The following PTCHD1 variants were observed in gnomAD, a reference collection of about 807,000 sequenced individuals.
PTCHD1 encodes patched domain containing 1.
PTCHD1 carries 3 observed loss-of-function variants against 34.6 expected under a neutral mutation model. The observed-to-expected ratio is 0.09, with a 90% CI of 0.04 to 0.22. The LOEUF (loss-of-function observed/expected upper bound fraction) is 0.22. Ranked by LOEUF, PTCHD1 falls within the 10% of genes least tolerant of loss-of-function variation. The pLI, the probability that PTCHD1 is intolerant of heterozygous loss-of-function variation, is 1.00. For missense variants in PTCHD1, 504 were observed against 685.5 expected (o/e 0.74, Z 2.96); for synonymous variants, 305 against 283.1 (o/e 1.08, Z -0.77).
At chrX:23,389,445 A>G (rs1922769082) in intron 2 of PTCHD1, among the ~76,000 whole-genome samples, 1 of 112,028 alleles carries the variant, frequency 8.9e-6, no homozygotes, top group South Asian at 3.7e-4. Context: ...AACCTTCAGG[A>G]AGGAGGCCCA....
At chrX:23,341,973 C>A (rs1290920475) in intron 1 of PTCHD1, among the ~76,000 whole-genome samples, 1 of 110,386 alleles carries the variant, frequency 9.1e-6, no homozygotes, top group Non-Finnish European at 1.9e-5. Flanking sequence ...TATGTAAGTG[C>A]AGTCGGTTAT....
intron 1 of PTCHD1, among the ~76,000 whole-genome samples, chrX:23,341,688 C>A (rs912075037): frequency 9.0e-6 from 1 of 111,364 alleles, no homozygotes; most frequent in African/African-American, 3.3e-5. Context: ...GGTGAGTAAT[C>A]GCTAACCTTT....
chrX:23,388,745 C>T (rs1410422859), intron 2 of PTCHD1, among the ~76,000 whole-genome samples: 3 of 111,585 alleles, frequency 2.7e-5, no homozygotes. Context: ...GCAGGGGAAT[C>T]GCTGGAACCC....
At chrX:23,373,996 G>A (rs1922337381) in intron 1 of PTCHD1, among the ~76,000 whole-genome samples, 1 of 111,050 alleles carries the variant, frequency 9.0e-6, no homozygotes, top group Non-Finnish European at 1.9e-5. Context: ...TTTTTTTAAT[G>A]TATGCAGCTT....
intron 2 of PTCHD1, among the ~76,000 whole-genome samples, chrX:23,380,792 C>A (rs1213576940): frequency 9.0e-6 from 1 of 111,117 alleles, no homozygotes; most frequent in Non-Finnish European, 1.9e-5. Context: ...GAGAGGTCCT[C>A]CCCCGGGGTG....
rs757954117 is a variant in PTCHD1, at chrX:23,392,380, G to T, written c.1013-151G>T. The T allele has an allele frequency of 2.2e-5, 11 of 496,386 alleles. No individual in the cohort carries two copies. In the African/African-American group the frequency reaches 2.4e-4, roughly 11 times the overall value. The allele number at this position is 496,386 out of a possible 1,213,427, so 40.9% of individuals were successfully genotyped here. A position where few individuals can be genotyped will look rare whatever the true frequency, so the allele number is the denominator to read the frequency against. On this transcript the variant is annotated intron_variant, in intron 2 of 2. Transcript: ENST00000379361. ...TTCATAAAAACATGGGTCTATCTCCGCATAGGAGAAATCATTGGCATTTAC... is the reference window on the plus strand; with the variant it reads ...TTCATAAAAACATGGGTCTATCTCCTCATAGGAGAAATCATTGGCATTTAC...
chrX:23,340,916 G>A (rs1211247048), intron 1 of PTCHD1, among the ~76,000 whole-genome samples: 2 of 112,172 alleles, frequency 1.8e-5, no homozygotes, highest in African/African-American at 6.5e-5. Flanking sequence ...CTTTATTTTT[G>A]TACTAGGGGA....
intron 2 of PTCHD1, among the ~76,000 whole-genome samples, chrX:23,387,664 A>G (rs755443099): frequency 8.9e-6 from 1 of 111,870 alleles, no homozygotes; most frequent in African/African-American, 3.2e-5. Flanking sequence ...TGGCCTGACA[A>G]AAACCTCGAG....
At position 23,404,322 on chromosome X, in the gene PTCHD1, T is replaced by C. The variant is rs777381139; in HGVS notation, c.*10137T>C. The stretch of plus-strand genomic sequence containing the variant: ...TATATATTTATGGGATACAATGTGA[T>C]GTTTTGATATATGTATGCATTGTGG... On this transcript the variant is annotated 3_prime_UTR_variant, in exon 3 of 3. Coordinates refer to ENST00000379361, the MANE Select transcript of PTCHD1 (RefSeq NM_173495.3). 1 of 112,284 alleles carries C rather than the reference T, an allele frequency of 8.9e-6. No homozygotes were observed. Among genetic ancestry groups the C allele is most frequent in the Non-Finnish European group, 1.9e-5 (1 of 53,298 alleles). 9.3% of individuals were successfully genotyped at this position (112,284 alleles called of 1,213,427 possible).
chrX:23,369,776 G>C (rs1409157418), intron 1 of PTCHD1, among the ~76,000 whole-genome samples: 2 of 111,480 alleles, frequency 1.8e-5, no homozygotes, highest in African/African-American at 6.5e-5. Flanking sequence ...CAGATGATGG[G>C]ACAATTTTCA....
chrX:23,361,890 A>G (rs1272837883), intron 1 of PTCHD1, among the ~76,000 whole-genome samples: 3 of 111,648 alleles, frequency 2.7e-5, no homozygotes, highest in Non-Finnish European at 5.6e-5. Flanking sequence ...AAAGGATTTT[A>G]TTTCTCCTTC....
Position 23,379,550 on chromosome X carries a change from A to T in PTCHD1, c.352-41A>T, listed in dbSNP as rs1268414500. ...ACCCTCTCCAAAAAATAAAAATAGA[A>T]ATATTTGATTAATAAATGCTGTCAT... On this transcript the variant is annotated intron_variant, in intron 1 of 2. Transcript: ENST00000379361. The T allele has an allele frequency of 5.9e-6, 7 of 1,189,683 alleles. No homozygotes were observed. The Middle Eastern group carries it at 7.1e-4, about 121-fold the overall frequency.
chrX:23,403,942 T>C lies in PTCHD1; in HGVS notation c.*9757T>C, dbSNP rs1443411922. ...TTGAGTTTCTCTAATGCCTAAAATATGCATTTAAATCATCCCACACCTACA... is the reference window on the plus strand; with the variant it reads ...TTGAGTTTCTCTAATGCCTAAAATACGCATTTAAATCATCCCACACCTACA... On this transcript the variant is annotated 3_prime_UTR_variant, in exon 3 of 3. Coordinates refer to ENST00000379361, the MANE Select transcript of PTCHD1 (RefSeq NM_173495.3). The C allele has an allele frequency of 2.7e-5, 3 of 111,887 alleles. No homozygotes were observed. In the Admixed American group the frequency reaches 2.8e-4, roughly 11 times the overall value. 9.2% of individuals were successfully genotyped at this position (111,887 alleles called of 1,213,427 possible).
intron 1 of PTCHD1, among the ~76,000 whole-genome samples, chrX:23,364,763 G>T (rs966187861): frequency 8.9e-6 from 1 of 112,336 alleles, no homozygotes; most frequent in African/African-American, 3.2e-5. Flanking sequence ...CATCCAACTT[G>T]GGCAATATTC....
At chrX:23,389,208 G>A (rs1601916911) in intron 2 of PTCHD1, among the ~76,000 whole-genome samples, 1 of 111,864 alleles carries the variant, frequency 8.9e-6, no homozygotes, top group Non-Finnish European at 1.9e-5. Flanking sequence ...ATTCTGGAGG[G>A]CAGGATGGTC....
Position 23,394,041 on chromosome X carries a change from T to C in PTCHD1, c.2523T>C (p.Ile841=), listed in dbSNP as rs1211885551. 3 of 1,207,448 alleles carry C rather than the reference T, an allele frequency of 2.5e-6. No individual in the cohort carries two copies. In the African/African-American group the frequency reaches 5.3e-5, roughly 21 times the overall value. The change falls in exon 3 of 3, where the codon ATT becomes ATC. Residue 841 remains isoleucine, a synonymous_variant. Coordinates refer to ENST00000379361, the MANE Select transcript of PTCHD1 (RefSeq NM_173495.3). ...AFVTFFHCFA[I]LPVILTFLPP... ...TCACCTTCTTTCACTGCTTTGCCATTTTACCTGTGATACTGACTTTCCTGC... is the reference window on the plus strand; with the variant it reads ...TCACCTTCTTTCACTGCTTTGCCATCTTACCTGTGATACTGACTTTCCTGC...
intron 1 of PTCHD1, among the ~76,000 whole-genome samples, chrX:23,365,985 T>A (rs1312537469): frequency 8.9e-6 from 1 of 112,271 alleles, no homozygotes; most frequent in South Asian, 3.7e-4. Context: ...AATCTACAGT[T>A]GATAGATGGC....
rs1325427301 is a variant in PTCHD1, at chrX:23,397,807, G to C, written c.*3622G>C. 1 of 111,376 alleles carries C rather than the reference G, an allele frequency of 9.0e-6. No homozygotes were observed. Among genetic ancestry groups the C allele is most frequent in the Non-Finnish European group, 1.9e-5 (1 of 53,119 alleles). 9.2% of individuals were successfully genotyped at this position (111,376 alleles called of 1,213,427 possible). On this transcript the variant is annotated 3_prime_UTR_variant, in exon 3 of 3. Transcript: ENST00000379361. ...TCAGCTGTGTCCATCACAAGAAAAG[G>C]TGGAATGGGCAGCTGTCTTGGGGGT... is the stretch of plus-strand genomic sequence containing the variant.
intron 1 of PTCHD1, among the ~76,000 whole-genome samples, chrX:23,353,339 C>T (rs780811771): frequency 1.8e-5 from 2 of 112,691 alleles, no homozygotes; most frequent in East Asian, 2.8e-4. Flanking sequence ...GTAATCCCAG[C>T]GCTTTGGGCG....
Sources: allele counts gnomAD v4.1 joint callset (sites outside exome capture counted in the v4.1 genomes callset), GRCh38; gene constraint gnomAD v4.1.1; transcripts MANE v1.5; gene names NCBI Gene and HGNC (gene_info 2026-07-23, HGNC 2026-07-21).